Variants in ACOT7 observed in about 807,000 individuals in gnomAD.
The protein encoded by ACOT7 is acyl-CoA thioesterase 7.
In ACOT7, 12 loss-of-function variants were observed where a neutral mutation model predicts 40.2. The observed-to-expected ratio is 0.30, with a 90% confidence interval of 0.19 to 0.48. ACOT7 has a LOEUF of 0.48. ACOT7 is among the 20% of genes least tolerant of loss of function. The pLI, the probability that ACOT7 is intolerant of heterozygous loss-of-function variation, is 0.99. For synonymous variants in ACOT7, 228 were observed against 219.5 expected (o/e 1.04, Z -0.34); for missense variants, 395 against 530.8 (o/e 0.74, Z 2.51).
chr1:6,291,878 A>C (rs1639675118), intron 7 of ACOT7, among the ~76,000 whole-genome samples: 1 of 152,190 alleles, frequency 6.6e-6, no homozygotes, highest in Admixed American at 6.5e-5. Context: ...GCCTCCCCGC[A>C]CAGCCTCGCT....
intron 2 of ACOT7, among the ~76,000 whole-genome samples, chr1:6,347,716 G>A (rs945079499): frequency 1.4e-4 from 21 of 151,924 alleles, no homozygotes; most frequent in African/African-American, 3.4e-4. Context: ...GCAGTGAGCC[G>A]GGATCGCACC....
In ACOT7 at chr1:6,282,577, G is replaced by T; in HGVS notation, c.830-1291C>A. On this transcript the variant is annotated intron_variant, in intron 7 of 8. Coordinates refer to ENST00000361521, the MANE Select transcript of ACOT7 (RefSeq NM_007274.4). This position sits in a 1 kb window ranked among gnomAD's most constrained non-coding sequence, Gnocchi z 4.5. ...CAGTGTCCTAGCTGCACCGAGACCA[G>T]CCTCACAAGGCAGGTTTAGAGACCC... The T allele has an allele frequency of 2.0e-6, 1 of 497,574 alleles. No homozygotes were observed. Among genetic ancestry groups the T allele is most frequent in the Non-Finnish European group, 3.5e-6 (1 of 284,278 alleles). 30.8% of individuals were successfully genotyped at this position (497,574 alleles called of 1,614,324 possible).
Position 6,330,035 on chromosome 1 carries a change from G to A in ACOT7, c.511-2622C>T, listed in dbSNP as rs770087385. Among the ~76,000 whole-genome samples the A allele has an allele frequency of 6.6e-6, 1 of 152,164 alleles. No homozygotes were observed. Among genetic ancestry groups the A allele is most frequent in the Non-Finnish European group, 1.5e-5 (1 of 68,030 alleles). The stretch of plus-strand genomic sequence containing the variant: ...GGCAGCTGGGTTCCTCCAGGGAGAC[G>A]CACACATCCAGGAAACCAGTGTGTG... On this transcript the variant is annotated intron_variant, in intron 4 of 8. Coordinates refer to ENST00000361521, the MANE Select transcript of ACOT7 (RefSeq NM_007274.4). This position sits in a 1 kb window ranked among gnomAD's most constrained non-coding sequence, Gnocchi z 4.6.
chr1:6,290,212 T>A (rs1435363401), intron 7 of ACOT7, among the ~76,000 whole-genome samples: 1 of 152,210 alleles, frequency 6.6e-6, no homozygotes, highest in Non-Finnish European at 1.5e-5. Context: ...CCTGGTAGGA[T>A]GCAGCCTGCA....
intron 6 of ACOT7, among the ~76,000 whole-genome samples, chr1:6,313,616 C>T (rs952471842): frequency 6.6e-6 from 1 of 152,160 alleles, no homozygotes; most frequent in Non-Finnish European, 1.5e-5. Flanking sequence ...GACATTGTGG[C>T]CAAAAGGGGA....
intron 3 of ACOT7, 122 bp downstream of exon 3, chr1:6,339,311 G>T: frequency 7.2e-7 from 1 of 1,382,118 alleles, no homozygotes; most frequent in Non-Finnish European, 1.0e-6. Context: ...GGTGGGAGGT[G>T]AGAGAGGTCT....
intron 6 of ACOT7, among the ~76,000 whole-genome samples, chr1:6,309,781 C>T (rs1006858959): frequency 6.6e-6 from 1 of 152,138 alleles, no homozygotes; most frequent in African/African-American, 2.4e-5. Context: ...TTTGTAAACG[C>T]TCCCCTGGAT....
chr1:6,321,944 G>A (rs915525844), intron 5 of ACOT7, among the ~76,000 whole-genome samples: 1 of 152,218 alleles, frequency 6.6e-6, no homozygotes, highest in East Asian at 1.9e-4. Context: ...GGGTTTCAGG[G>A]TGTACTAAAT....
At chr1:6,363,915 T>C (rs1641946336) in intron 1 of ACOT7, among the ~76,000 whole-genome samples, 1 of 152,158 alleles carries the variant, frequency 6.6e-6, no homozygotes, top group Admixed American at 6.5e-5. Flanking sequence ...GGGTTTTCTG[T>C]GGTCCCAGCT....
chr1:6,311,153 A>G lies in ACOT7; in HGVS notation c.712+7339T>C, dbSNP rs1460014906. Among the ~76,000 whole-genome samples the G allele has an allele frequency of 6.6e-6, 1 of 152,162 alleles. No individual in the cohort carries two copies. The highest frequency in any genetic ancestry group is 2.4e-5 in the African/African-American group (1 of 41,420). On this transcript the variant is annotated intron_variant, in intron 6 of 8. Transcript: ENST00000361521. This position sits in a 1 kb window ranked among gnomAD's most constrained non-coding sequence, Gnocchi z 5.2. ...GCTCCATCCTGTGCTTCCCAGTACC[A>G]TGGGAGCTGAGCAAGCTCTCCCGAT...
intron 8 of ACOT7, among the ~76,000 whole-genome samples, chr1:6,265,546 T>C (rs1638818220): frequency 6.6e-6 from 1 of 152,070 alleles, no homozygotes; most frequent in Admixed American, 6.5e-5. Flanking sequence ...CAAGACGGGG[T>C]TCTGCCCAGG....
intron 1 of ACOT7, among the ~76,000 whole-genome samples, chr1:6,383,027 GGCTACCACGCCCAGCTATTTTTCGT>G (rs530591564): frequency 0.011 from 1,702 of 149,934 alleles, 33 homozygotes; most frequent in African/African-American, 0.039. Flanking sequence ...TACAGGCGTG[GGCTACCACGCCCAGCTATTTTTCGT>G]ATTTGTAGTA....
intron 1 of ACOT7, among the ~76,000 whole-genome samples, chr1:6,381,710 G>A (rs557068424): frequency 6.6e-6 from 1 of 151,732 alleles, no homozygotes; most frequent in African/African-American, 2.4e-5. Flanking sequence ...CTAAAAACGG[G>A]GTCTCTGCTG....
chr1:6,380,611 C>T (rs1642316992), intron 1 of ACOT7, among the ~76,000 whole-genome samples: 2 of 146,604 alleles, frequency 1.4e-5, no homozygotes, highest in Admixed American at 6.8e-5. Flanking sequence ...AACAAGAAGA[C>T]GACCTCTCAA....
chr1:6,365,464 C>G (rs77486438), intron 1 of ACOT7, among the ~76,000 whole-genome samples: 3,382 of 152,054 alleles, frequency 0.022, 119 homozygotes, highest in African/African-American at 0.078. Context: ...AAGTATATAC[C>G]TTCATTTAAA....
intron 6 of ACOT7, among the ~76,000 whole-genome samples, chr1:6,315,146 A>AC (rs1345430946): frequency 2.6e-5 from 4 of 152,062 alleles, no homozygotes; most frequent in Non-Finnish European, 1.5e-5. Context: ...GTTTATCACC[A>AC]CCCAGACCTG....
chr1:6,343,318 C>T (rs7525798), intron 2 of ACOT7, among the ~76,000 whole-genome samples: 3,176 of 152,362 alleles, frequency 0.021, 111 homozygotes, highest in African/African-American at 0.073. Flanking sequence ...AACATGCAAG[C>T]TCCGGGGCCC....
intron 3 of ACOT7, among the ~76,000 whole-genome samples, chr1:6,337,704 G>A (rs1158411823): frequency 1.3e-5 from 2 of 152,128 alleles, no homozygotes; most frequent in South Asian, 4.2e-4. Context: ...GCTGGGCTCG[G>A]TGGCTCATGC....
chr1:6,365,544 T>C (rs367875023), intron 1 of ACOT7, among the ~76,000 whole-genome samples: 7 of 151,848 alleles, frequency 4.6e-5, no homozygotes, highest in Admixed American at 6.6e-5. Flanking sequence ...CCAAGGTGGG[T>C]GGATCACAAG....
Sources: allele counts gnomAD v4.1 joint callset (sites outside exome capture counted in the v4.1 genomes callset), GRCh38; gene constraint gnomAD v4.1.1; non-coding constraint Gnocchi (gnomAD v3.1); transcripts MANE v1.5; gene names NCBI Gene and HGNC (gene_info 2026-07-23, HGNC 2026-07-21).